The following PDE8A variants were observed in gnomAD, a reference collection of about 807,000 sequenced individuals.
The protein encoded by PDE8A is phosphodiesterase 8A, also known as high affinity cAMP-specific and IBMX-insensitive 3',5'-cyclic phosphodiesterase 8A.
PDE8A carries 59 observed loss-of-function variants against 105.0 expected under a neutral mutation model. The ratio of observed to expected loss-of-function variants is 0.56; its 90% CI spans 0.46 to 0.70. The LOEUF is 0.70. Ranked by LOEUF, PDE8A falls within the 30% of genes least tolerant of loss-of-function variation. PDE8A has a pLI of 0.00. For missense variants in PDE8A, 1,014 were observed against 1,045.9 expected (o/e 0.97, Z 0.42); for synonymous variants, 355 against 371.9 (o/e 0.95, Z 0.52).
rs56869355 is a variant in PDE8A, at chr15:85,022,540, ATTTT to A, written c.186+40206_186+40209del. Among the ~76,000 whole-genome samples the A allele has an allele frequency of 4.7e-3, 667 of 143,036 alleles. 3 individuals are homozygous for A. Among genetic ancestry groups the A allele is most frequent in the African/African-American group, 0.013 (481 of 37,952 alleles). The allele number at this position is 143,036 out of a possible 152,430, so 93.8% of individuals were successfully genotyped here. A position where few individuals can be genotyped will look rare whatever the true frequency, so the allele number is the denominator to read the frequency against. Reference sequence around the variant, plus strand: ...CATGGTAGTGTCATATATATGCAAAATTTTTTTTTTTTTTTTTGAGATGGAGTCT... The same window carrying A: ...CATGGTAGTGTCATATATATGCAAAATTTTTTTTTTTTTGAGATGGAGTCT... On this transcript the variant is annotated intron_variant, in intron 1 of 21. Transcript: ENST00000394553.
chr15:85,109,083 GA>G lies in PDE8A; in HGVS notation c.1071del (p.Gly358AlafsTer3). On this transcript the variant is annotated frameshift_variant, in exon 12 of 22. Transcript: ENST00000394553. LOFTEE classifies it high-confidence loss of function. ...DNQTGKHKDR[R>X]KGSLDVKAVA... ...CAGACAGGCAAACATAAAGACAGGA[GA>G]AAAGGCTCACTAGACGTCAAAGCTG... is the stretch of plus-strand genomic sequence containing the variant. The G allele has an allele frequency of 6.2e-7, 1 of 1,611,344 alleles. No individual in the cohort carries two copies. Among genetic ancestry groups the G allele is most frequent in the Non-Finnish European group, 8.5e-7 (1 of 1,177,958 alleles).
At chr15:84,998,823 A>T (rs1405880936) in intron 1 of PDE8A, among the ~76,000 whole-genome samples, 4 of 152,214 alleles carry the variant, frequency 2.6e-5, no homozygotes, top group Non-Finnish European at 5.9e-5. Context: ...GGGATGAAGA[A>T]GTCAGGGTTA....
chr15:85,045,136 C>G (rs534872349), intron 1 of PDE8A, among the ~76,000 whole-genome samples: 1 of 152,342 alleles, frequency 6.6e-6, no homozygotes, highest in African/African-American at 2.4e-5. Context: ...TCAGATCTCA[C>G]CTCCTGCATT....
At position 85,061,309 on chromosome 15, in the gene PDE8A, C is replaced by G. The variant is rs148456219; in HGVS notation, c.187-3061C>G. ...AGTGCAATGGTGCAGTCTCGGCTCA[C>G]TGCAACTTCTGCCTCCCAGGTTCAA... On this transcript the variant is annotated intron_variant, in intron 1 of 21. Coordinates refer to ENST00000394553, the MANE Select transcript of PDE8A (RefSeq NM_002605.3). Among the ~76,000 whole-genome samples the G allele has an allele frequency of 6.0e-3, 910 of 152,204 alleles. 7 individuals carry two copies. Among genetic ancestry groups the G allele is most frequent in the African/African-American group, 0.021 (869 of 41,520 alleles).
intron 3 of PDE8A, among the ~76,000 whole-genome samples, chr15:85,074,638 C>T (rs538060574): frequency 2.6e-5 from 4 of 152,366 alleles, no homozygotes; most frequent in African/African-American, 9.6e-5. Context: ...GATTGCACCA[C>T]TGTACTCCAG....
At chr15:85,082,613 G>A (rs1018791759) in intron 5 of PDE8A, among the ~76,000 whole-genome samples, 1 of 152,126 alleles carries the variant, frequency 6.6e-6, no homozygotes, top group East Asian at 1.9e-4. Context: ...AACTCTTTAA[G>A]GGGACCCCTG....
intron 3 of PDE8A, 139 bp downstream of exon 3, chr15:85,067,343 CTATT>C: frequency 3.5e-6 from 2 of 572,346 alleles, no homozygotes; most frequent in Non-Finnish European, 6.1e-6. Flanking sequence ...TAGAACCTCA[CTATT>C]TATAGGACTG....
rs967790473 is a variant in PDE8A, at chr15:84,982,067, T to G, written c.-96T>G. On this transcript the variant is annotated 5_prime_UTR_variant, in exon 1 of 22. The change abolishes an upstream ATG in the 5' untranslated region. Coordinates refer to ENST00000394553, the MANE Select transcript of PDE8A (RefSeq NM_002605.3). ...TCGCCGCCGCCCGCCCAGGCGGCGA[T>G]GACACGGCGCCCGCGGCGGCCCGGA... The G allele has an allele frequency of 6.2e-5, 45 of 728,434 alleles. No individual in the cohort carries two copies. The highest frequency in any genetic ancestry group is 7.5e-5 in the African/African-American group (4 of 53,330). 45.1% of individuals were successfully genotyped at this position (728,434 alleles called of 1,614,324 possible). A position where few individuals can be genotyped will look rare whatever the true frequency, so the allele number is the denominator to read the frequency against.
At chr15:85,068,229 G>T (rs534549149) in intron 3 of PDE8A, among the ~76,000 whole-genome samples, 1 of 151,938 alleles carries the variant, frequency 6.6e-6, no homozygotes, top group Non-Finnish European at 1.5e-5. Flanking sequence ...TAATAGAGAC[G>T]GTGTTTGACC....
At chr15:85,093,265 G>C (rs990290967) in intron 8 of PDE8A, among the ~76,000 whole-genome samples, 1 of 152,190 alleles carries the variant, frequency 6.6e-6, no homozygotes, top group Non-Finnish European at 1.5e-5. Flanking sequence ...TTTTTGGGGA[G>C]CATGGAAAAG....
rs1041839309 is a variant in PDE8A, at chr15:85,120,652, A to G, written c.1735-145A>G. 3 of 601,862 alleles carry G rather than the reference A, an allele frequency of 5.0e-6. No individual in the cohort carries two copies. In the Admixed American group the frequency reaches 9.0e-5, roughly 18 times the overall value. 37.3% of individuals were successfully genotyped at this position (601,862 alleles called of 1,614,324 possible). ...TAACTGTTTCAGGGTGGAGATAGGA[A>G]AACTAGATTTGCTCACGTAGTATGC... On this transcript the variant is annotated intron_variant, in intron 17 of 21. Transcript: ENST00000394553.
At chr15:84,993,442 CAAAAAAAAA>C (rs11362736) in intron 1 of PDE8A, among the ~76,000 whole-genome samples, 19 of 73,112 alleles carry the variant, frequency 2.6e-4, no homozygotes, top group Non-Finnish European at 4.0e-4. Context: ...GACTCCATCT[CAAAAAAAAA>C]AAAAAAAAAA....
intron 1 of PDE8A, among the ~76,000 whole-genome samples, chr15:85,056,321 C>T (rs553507705): frequency 5.1e-4 from 77 of 152,134 alleles, no homozygotes; most frequent in African/African-American, 1.7e-3. Flanking sequence ...ATCTTTGTGG[C>T]GTTCTCTGTA....
In PDE8A at chr15:85,138,119, G is replaced by T. The variant is rs1385887928; in HGVS notation, c.*216G>T. 2 of 484,220 alleles carry T rather than the reference G, an allele frequency of 4.1e-6. No homozygotes were observed. Among genetic ancestry groups the T allele is most frequent in the Admixed American group, 3.4e-5 (1 of 29,158 alleles). The allele number at this position is 484,220 out of a possible 1,614,324, so 30.0% of individuals were successfully genotyped here. On this transcript the variant is annotated 3_prime_UTR_variant, in exon 22 of 22. Coordinates refer to ENST00000394553, the MANE Select transcript of PDE8A (RefSeq NM_002605.3). ...TTGGCCACTGTAGCCTGGGCCTGCTGCAGGAGCTCTTCAGAAAGGCACATG... is the reference window on the plus strand; with the variant it reads ...TTGGCCACTGTAGCCTGGGCCTGCTTCAGGAGCTCTTCAGAAAGGCACATG...
chr15:85,097,027 C>A (rs2081766792), intron 8 of PDE8A, among the ~76,000 whole-genome samples: 1 of 152,134 alleles, frequency 6.6e-6, no homozygotes, highest in East Asian at 1.9e-4. Context: ...GCTAAGCCAA[C>A]AAGGCTGCCA....
intron 8 of PDE8A, among the ~76,000 whole-genome samples, chr15:85,096,684 A>G (rs984886331): frequency 2.6e-5 from 4 of 152,126 alleles, no homozygotes; most frequent in African/African-American, 9.7e-5. Flanking sequence ...GCTTTGGACT[A>G]CAAGCCTCGT....
chr15:85,049,820 T>A (rs1210687463), intron 1 of PDE8A, among the ~76,000 whole-genome samples: 1 of 152,258 alleles, frequency 6.6e-6, no homozygotes, highest in African/African-American at 2.4e-5. Flanking sequence ...TCTGAATCAC[T>A]GCTTTTTATT....
chr15:85,074,387 G>GA (rs1365301806), intron 3 of PDE8A, among the ~76,000 whole-genome samples: 1 of 152,218 alleles, frequency 6.6e-6, no homozygotes, highest in African/African-American at 2.4e-5. Context: ...ACCCTTTACA[G>GA]AAAAGTTTGC....
chr15:85,033,421 G>C (rs1259659329), intron 1 of PDE8A, among the ~76,000 whole-genome samples: 1 of 152,106 alleles, frequency 6.6e-6, no homozygotes, highest in Middle Eastern at 3.2e-3. Flanking sequence ...CTCCACAGCT[G>C]CCTTTTGCTT....
Sources: allele counts gnomAD v4.1 joint callset (sites outside exome capture counted in the v4.1 genomes callset), GRCh38; gene constraint gnomAD v4.1.1; transcripts MANE v1.5; gene names NCBI Gene and HGNC (gene_info 2026-07-23, HGNC 2026-07-21).